The following CCSER1 variants were observed in gnomAD, a reference collection of about 807,000 sequenced individuals.
CCSER1 encodes serine-rich coiled-coil domain-containing protein 1.
CCSER1 carries 41 observed loss-of-function variants against 82.0 expected under a neutral mutation model. The observed-to-expected ratio is 0.50, with a 90% CI of 0.39 to 0.65. CCSER1 has a LOEUF of 0.65. Among genes scored for constraint, CCSER1 ranks in the 30% least tolerant of loss-of-function variants. The pLI is 0.00. For missense variants in CCSER1, 1,119 were observed against 1,064.2 expected (o/e 1.05, Z -0.72); for synonymous variants, 414 against 383.9 (o/e 1.08, Z -0.92).
chr4:90,788,298 A>C (rs1754788015), intron 7 of CCSER1, among the ~76,000 whole-genome samples: 1 of 152,178 alleles, frequency 6.6e-6, no homozygotes, highest in Non-Finnish European at 1.5e-5. Flanking sequence ...GTAGCCATTG[A>C]AAATTATGGG....
chr4:91,046,819 G>A (rs1322634944), intron 9 of CCSER1, among the ~76,000 whole-genome samples: 2 of 152,004 alleles, frequency 1.3e-5, no homozygotes, highest in Admixed American at 6.6e-5. Flanking sequence ...CCAGGTTCAA[G>A]CAATTCCCCT....
chr4:90,592,450 T>G (rs1247695665), intron 5 of CCSER1, among the ~76,000 whole-genome samples: 1 of 152,186 alleles, frequency 6.6e-6, no homozygotes, highest in Non-Finnish European at 1.5e-5. Flanking sequence ...AATAGCTATA[T>G]GTTCATGTGT....
intron 3 of CCSER1, among the ~76,000 whole-genome samples, chr4:90,359,922 A>C: frequency 7.3e-6 from 1 of 136,594 alleles, no homozygotes; most frequent in East Asian, 2.1e-4. Context: ...TATGTATATA[A>C]TTTTTTTTTT....
intron 10 of CCSER1, among the ~76,000 whole-genome samples, chr4:91,410,944 A>G (rs1752984955): frequency 6.6e-6 from 1 of 152,090 alleles, no homozygotes; most frequent in African/African-American, 2.4e-5. Context: ...AGCATCATAT[A>G]CTAAAAAGTA....
intron 7 of CCSER1, among the ~76,000 whole-genome samples, chr4:90,762,170 G>A (rs924423499): frequency 6.6e-6 from 1 of 152,112 alleles, no homozygotes; most frequent in Non-Finnish European, 1.5e-5. Context: ...AATCATAGGG[G>A]TGGTTACCTC....
chr4:91,290,671 G>T (rs1486616101), intron 10 of CCSER1, among the ~76,000 whole-genome samples: 3 of 151,696 alleles, frequency 2.0e-5, no homozygotes, highest in Non-Finnish European at 4.4e-5. Flanking sequence ...TTACAGTTTT[G>T]TCTTACCAAA....
At chr4:91,462,060 A>G (rs989348716) in intron 10 of CCSER1, among the ~76,000 whole-genome samples, 1 of 152,156 alleles carries the variant, frequency 6.6e-6, no homozygotes, top group Non-Finnish European at 1.5e-5. Flanking sequence ...TTAAGGGATA[A>G]AAAGATGTAA....
intron 10 of CCSER1, among the ~76,000 whole-genome samples, chr4:91,514,995 T>G (rs73837635): frequency 0.12 from 17,717 of 152,166 alleles, 1,137 homozygotes; most frequent in South Asian, 0.21. Flanking sequence ...CAGGTTAAGC[T>G]TATCAAAAAA....
chr4:91,213,729 C>T (rs1737020460), intron 10 of CCSER1, among the ~76,000 whole-genome samples: 1 of 152,096 alleles, frequency 6.6e-6, no homozygotes, highest in South Asian at 2.1e-4. Context: ...GTCATTGTAG[C>T]AATAGACACG....
chr4:91,043,920 G>T (rs1254710784), intron 9 of CCSER1, among the ~76,000 whole-genome samples: 1 of 152,120 alleles, frequency 6.6e-6, no homozygotes, highest in African/African-American at 2.4e-5. Context: ...GATTCAAGAA[G>T]ACAGTGGACA....
intron 5 of CCSER1, among the ~76,000 whole-genome samples, chr4:90,574,624 C>T (rs146468370): frequency 2.0e-5 from 3 of 151,420 alleles, no homozygotes; most frequent in East Asian, 3.9e-4. Flanking sequence ...TTGTGAGGAC[C>T]GGAATAACAT....
intron 10 of CCSER1, among the ~76,000 whole-genome samples, chr4:91,446,053 G>A (rs1455250924): frequency 1.3e-5 from 2 of 151,274 alleles, no homozygotes; most frequent in East Asian, 1.9e-4. Flanking sequence ...TAGTTTGAGT[G>A]GGAAGAAGTG....
At chr4:90,165,088 A>G (rs1730212061) in intron 1 of CCSER1, among the ~76,000 whole-genome samples, 1 of 152,066 alleles carries the variant, frequency 6.6e-6, no homozygotes, top group South Asian at 2.1e-4. Flanking sequence ...TGAACCTGTG[A>G]TCTACTTGGC....
At chr4:90,304,263 A>G (rs1018189430) in intron 1 of CCSER1, among the ~76,000 whole-genome samples, 27 of 152,240 alleles carry the variant, frequency 1.8e-4, no homozygotes, top group African/African-American at 6.5e-4. Context: ...ATCTAGAACT[A>G]CAAATACCAC....
chr4:91,336,432 G>C (rs1747332880), intron 10 of CCSER1, among the ~76,000 whole-genome samples: 1 of 152,064 alleles, frequency 6.6e-6, no homozygotes, highest in Non-Finnish European at 1.5e-5. Flanking sequence ...GAAGGTATAA[G>C]CCTAGTATTT....
chr4:90,593,734 G>A (rs923443036), intron 5 of CCSER1, among the ~76,000 whole-genome samples: 2 of 151,746 alleles, frequency 1.3e-5, no homozygotes, highest in African/African-American at 2.4e-5. Flanking sequence ...CTTTACACCC[G>A]AATTCTGCTT....
intron 1 of CCSER1, among the ~76,000 whole-genome samples, chr4:90,191,206 C>A (rs1279068716): frequency 6.6e-6 from 1 of 151,886 alleles, no homozygotes; most frequent in African/African-American, 2.4e-5. Context: ...AAGAGATTGA[C>A]AGATGCTGCT....
chr4:91,260,854 G>A (rs931144921), intron 10 of CCSER1, among the ~76,000 whole-genome samples: 1 of 151,968 alleles, frequency 6.6e-6, no homozygotes, highest in African/African-American at 2.4e-5. Flanking sequence ...TCCACCTCCC[G>A]GGTTCACGCC....
At chr4:91,443,460 A>G (rs1027377657) in intron 10 of CCSER1, among the ~76,000 whole-genome samples, 1 of 138,644 alleles carries the variant, frequency 7.2e-6, no homozygotes, top group African/African-American at 2.7e-5. Context: ...AACAATGAGA[A>G]CACATGGACA....
Sources: gnomAD v4.1 joint callset for allele counts (sites outside exome capture counted in the v4.1 genomes callset) on GRCh38, gnomAD v4.1.1 for gene constraint, MANE v1.5 for transcripts, NCBI Gene and HGNC (gene_info 2026-07-23, HGNC 2026-07-21) for gene names.